The following IGLL5 variants were observed in gnomAD, a reference collection of about 807,000 sequenced individuals.
The protein encoded by IGLL5 is immunoglobulin lambda like polypeptide 5.
A neutral mutation model predicts 20.9 loss-of-function variants in IGLL5; 30 were observed. The ratio of observed to expected loss-of-function variants is 1.44; its 90% CI spans 1.07 to 1.95. The LOEUF is 1.95. IGLL5 is among the 30% of genes most tolerant of loss of function. IGLL5 has a pLI of 0.00. For missense variants in IGLL5, 475 were observed against 270.7 expected (o/e 1.75, Z -5.30); for synonymous variants, 203 against 117.3 (o/e 1.73, Z -4.72).
chr22:22,895,490 A>G lies in IGLL5; in HGVS notation c.441A>G (p.Thr147=), dbSNP rs749024838. The change falls in exon 3 of 3, where the codon ACA becomes ACG. Residue 147 remains threonine, a synonymous_variant. Coordinates refer to ENST00000526893, the MANE Select transcript of IGLL5 (RefSeq NM_001178126.2). ...LISDFYPGAV[T]VAWKADGSPV... The stretch of plus-strand genomic sequence containing the variant: ...GTGACTTCTACCCGGGAGCTGTGAC[A>G]GTGGCCTGGAAGGCAGATGGCAGCC... 5 of 1,612,756 alleles carry G rather than the reference A, an allele frequency of 3.1e-6. No individual in the cohort carries two copies. The highest frequency in any genetic ancestry group is 1.7e-4 in the Middle Eastern group (1 of 5,760).
chr22:22,891,246 TC>T (rs2067838189), intron 1 of IGLL5, among the ~76,000 whole-genome samples: 1 of 151,256 alleles, frequency 6.6e-6, no homozygotes, highest in Non-Finnish European at 1.5e-5. Context: ...TTTCTTTACT[TC>T]CCCTGGAGTT....
intron 1 of IGLL5, among the ~76,000 whole-genome samples, 161 bp downstream of exon 1, chr22:22,888,420 C>T (rs189131650): frequency 3.3e-5 from 5 of 151,484 alleles, no homozygotes; most frequent in African/African-American, 4.8e-5. Flanking sequence ...TTGTCCATCA[C>T]AGATTTGTTT....
intron 2 of IGLL5, among the ~76,000 whole-genome samples, 198 bp downstream of exon 2, chr22:22,894,016 A>G (rs557740296): frequency 8.7e-5 from 13 of 149,388 alleles, no homozygotes; most frequent in Middle Eastern, 3.7e-3. Flanking sequence ...GAGCAGCCGG[A>G]TGCAGCCTGG....
intron 1 of IGLL5, among the ~76,000 whole-genome samples, chr22:22,891,506 G>T (rs1439576930): frequency 6.6e-6 from 1 of 151,102 alleles, no homozygotes; most frequent in East Asian, 2.0e-4. Flanking sequence ...AAATAGTCAT[G>T]TCTATTATCT....
At chr22:22,888,469 T>G (rs1036441132) in intron 1 of IGLL5, among the ~76,000 whole-genome samples, 1 of 151,470 alleles carries the variant, frequency 6.6e-6, no homozygotes, top group South Asian at 2.1e-4. Flanking sequence ...ATATTATTTT[T>G]CTTGATTTCT....
intron 1 of IGLL5, among the ~76,000 whole-genome samples, chr22:22,889,457 A>G (rs575350981): frequency 1.3e-5 from 2 of 151,302 alleles, no homozygotes; most frequent in East Asian, 2.0e-4. Context: ...TGGTTGGGGG[A>G]ATAATCAAAG....
At chr22:22,889,352 A>G (rs2067710093) in intron 1 of IGLL5, among the ~76,000 whole-genome samples, 2 of 151,214 alleles carry the variant, frequency 1.3e-5, no homozygotes, top group East Asian at 2.0e-4. Flanking sequence ...GGCATTAAAA[A>G]TGTATAACCA....
chr22:22,888,440 T>C (rs927079108), intron 1 of IGLL5, among the ~76,000 whole-genome samples, 181 bp downstream of exon 1: 8 of 151,400 alleles, frequency 5.3e-5, no homozygotes, highest in Middle Eastern at 3.7e-3. Context: ...TGAATTACTG[T>C]TTTTAATATC....
intron 2 of IGLL5, 69 bp downstream of exon 2, chr22:22,893,887 TC>T: frequency 9.3e-7 from 1 of 1,077,436 alleles, no homozygotes; most frequent in East Asian, 2.4e-5. Context: ...GTTTTCTCTC[TC>T]TGGGGCTTCC....
chr22:22,894,383 T>A lies in IGLL5; in HGVS notation c.325+565T>A, dbSNP rs538227979. On this transcript the variant is annotated intron_variant, in intron 2 of 2. Coordinates refer to ENST00000526893, the MANE Select transcript of IGLL5 (RefSeq NM_001178126.2). ...TAGGCTGCAGCTCTGTGGCCTGTGC[T>A]GGGTCATGAGGACATGGGGACACAG... Among the ~76,000 whole-genome samples, 5 of 151,450 alleles carry A rather than the reference T, an allele frequency of 3.3e-5. No individual in the cohort carries two copies. The East Asian group carries it at 6.0e-4, about 18-fold the overall frequency.
intron 1 of IGLL5, among the ~76,000 whole-genome samples, chr22:22,888,464 A>T (rs151079072): frequency 1.7e-4 from 25 of 151,096 alleles, no homozygotes; most frequent in Middle Eastern, 3.7e-3. Context: ...TTACGATATT[A>T]TTTTTCTTGA....
rs538770346 is a variant in IGLL5, at chr22:22,888,550, A to T, written c.206+291A>T. Among the ~76,000 whole-genome samples the T allele has an allele frequency of 7.3e-5, 11 of 151,344 alleles. No homozygotes were observed. In the East Asian group the frequency reaches 8.1e-4, roughly 11 times the overall value. On this transcript the variant is annotated intron_variant, in intron 1 of 2. Transcript: ENST00000526893. ...ATCACCTAGTCCTAGTCCTCTGGGT[A>T]GGGAAGGAACAGAGGCAGGGACAGG...
intron 1 of IGLL5, among the ~76,000 whole-genome samples, chr22:22,890,078 A>G: frequency 6.6e-6 from 1 of 150,870 alleles, no homozygotes; most frequent in East Asian, 2.0e-4. Flanking sequence ...TTTTAATACA[A>G]CAGTAATGTA....
chr22:22,888,727 C>G (rs549710138), intron 1 of IGLL5, among the ~76,000 whole-genome samples: 1 of 151,408 alleles, frequency 6.6e-6, no homozygotes, highest in Admixed American at 6.6e-5. Context: ...TCCCCCAAGG[C>G]TGTCTGTTCA....
intron 2 of IGLL5, among the ~76,000 whole-genome samples, chr22:22,895,109 G>C (rs182895533): frequency 6.6e-6 from 1 of 151,484 alleles, no homozygotes; most frequent in African/African-American, 2.4e-5. Context: ...CCTGCCCTGG[G>C]TATATGGAGA....
intron 2 of IGLL5, among the ~76,000 whole-genome samples, chr22:22,894,395 A>C (rs554241760): frequency 1.3e-5 from 2 of 151,484 alleles, no homozygotes; most frequent in Admixed American, 6.6e-5. Context: ...GGTCATGAGG[A>C]CATGGGGACA....
rs564236019 is a variant in IGLL5 at position 22,895,720 on chromosome 22, G to A, written c.*26G>A. ...GTTCCCAACTCTAACCCCACCCACG[G>A]GAGCCTGGAGCTGCAGGATCCCAGG... On this transcript the variant is annotated 3_prime_UTR_variant, in exon 3 of 3. Transcript: ENST00000526893. The A allele has an allele frequency of 6.2e-7, 1 of 1,610,072 alleles. No homozygotes were observed. The highest frequency in any genetic ancestry group is 1.3e-5 in the African/African-American group (1 of 74,798).
chr22:22,893,632 C>A, intron 1 of IGLL5, 68 bp from the exon 2 acceptor site: 1 of 955,088 alleles, frequency 1.0e-6, no homozygotes, highest in Non-Finnish European at 1.6e-6. Flanking sequence ...GGGGGCTGGC[C>A]ACCCCCCTGC....
chr22:22,888,305 G>C (rs150043069), intron 1 of IGLL5, 46 bp downstream of exon 1: 36 of 1,528,470 alleles, frequency 2.4e-5, no homozygotes, highest in African/African-American at 1.7e-4. Context: ...CTGCAGCAGA[G>C]CTGGGAAAGG....
Sources: allele counts gnomAD v4.1 joint callset (sites outside exome capture counted in the v4.1 genomes callset), GRCh38; gene constraint gnomAD v4.1.1; transcripts MANE v1.5; gene names NCBI Gene and HGNC (gene_info 2026-07-23, HGNC 2026-07-21).